Variants in POC1B observed in about 807,000 individuals in gnomAD.
The protein encoded by POC1B is POC1 centriolar protein homolog B.
POC1B carries 44 observed loss-of-function variants against 60.6 expected under a neutral mutation model. That is an observed-to-expected ratio of 0.73 (90% CI 0.57 to 0.93). The LOEUF (loss-of-function observed/expected upper bound fraction) is 0.93, where lower values mean the gene tolerates loss of function less well. Ranked by LOEUF, POC1B falls within the 40% of genes least tolerant of loss-of-function variation. The pLI, the probability that POC1B is intolerant of heterozygous loss-of-function variation, is 0.00. For synonymous variants in POC1B, 180 were observed against 198.9 expected (o/e 0.90, Z 0.80); for missense variants, 555 against 572.3 (o/e 0.97, Z 0.31).
chr12:89,520,290 A>G (rs1870737462), intron 2 of POC1B: 1 of 152,216 alleles, frequency 6.6e-6, no homozygotes, highest in Non-Finnish European at 1.5e-5. Context: ...TGACAGGAGC[A>G]TCAAGATACT....
At chr12:89,519,505 G>GA (rs959247842) in intron 2 of POC1B, 49 of 150,776 alleles carry the variant, frequency 3.2e-4, no homozygotes, top group Admixed American at 7.9e-4. Context: ...CATCACAGAG[G>GA]AAAAAAACAT....
In POC1B at chr12:89,470,393, C is replaced by T. The variant is rs759662875; in HGVS notation, c.778G>A (p.Gly260Arg). The change falls in exon 7 of 12, where the codon GGA becomes AGA. Residue 260 changes from glycine (G) to arginine (R), a missense_variant. Gly to Arg is a moderately radical substitution (Grantham distance 125, BLOSUM62 -2). Coordinates refer to ENST00000313546, the MANE Select transcript of POC1B (RefSeq NM_172240.3). ...GTLKILDLLE[G>R]RLIYTLQGHT... The stretch of plus-strand genomic sequence containing the variant: ...CCTTGAAGTGTATAGATGAGCCTTC[C>T]TTCTAAGAGGTCCAGAATCTTAAGG... The T allele has an allele frequency of 2.6e-5, 41 of 1,593,764 alleles. No homozygotes were observed. The highest frequency in any genetic ancestry group is 2.1e-5 in the Non-Finnish European group (24 of 1,165,308).
intron 9 of POC1B, among the ~76,000 whole-genome samples, chr12:89,462,604 T>C (rs767130024): frequency 3.9e-5 from 6 of 152,200 alleles, no homozygotes; most frequent in African/African-American, 7.2e-5. Context: ...CTAAAGCTAG[T>C]ACAACGTCCA....
At chr12:89,449,227 T>A (rs1029370705) in intron 10 of POC1B, among the ~76,000 whole-genome samples, 2 of 152,180 alleles carry the variant, frequency 1.3e-5, no homozygotes, top group Admixed American at 6.5e-5. Context: ...TGTGTGTCTG[T>A]GAGGAAGTTA....
At chr12:89,467,788 C>G in intron 7 of POC1B, 103 bp from the exon 8 acceptor site, 1 of 787,720 alleles carries the variant, frequency 1.3e-6, no homozygotes, top group Non-Finnish European at 2.0e-6. Flanking sequence ...ATGCATACTA[C>G]TCATGCAATA....
At chr12:89,487,782 A>G (rs1427831) in intron 4 of POC1B, among the ~76,000 whole-genome samples, 110,791 of 151,974 alleles carry the variant, frequency 0.73, 40,522 homozygotes, top group Middle Eastern at 0.82. Context: ...CAAATATGCC[A>G]CTGCCTCCTC....
chr12:89,433,051 C>A (rs577125375), intron 10 of POC1B, among the ~76,000 whole-genome samples: 3 of 152,208 alleles, frequency 2.0e-5, no homozygotes, highest in East Asian at 1.9e-4. Flanking sequence ...CACAGGTGGA[C>A]CGAGATGAGT....
chr12:89,406,827 C>A, the POC1B span, among the ~76,000 whole-genome samples: 1 of 151,564 alleles, frequency 6.6e-6, no homozygotes, highest in South Asian at 2.1e-4. Context: ...AAGATAATAC[C>A]AGGTCTTCCA....
intron 10 of POC1B, among the ~76,000 whole-genome samples, chr12:89,435,614 T>C (rs947878582): frequency 6.6e-6 from 1 of 152,222 alleles, no homozygotes; most frequent in African/African-American, 2.4e-5. Context: ...TAAAATCATG[T>C]AGGTGTTTTC....
At chr12:89,452,698 G>A (rs1023960447) in intron 10 of POC1B, among the ~76,000 whole-genome samples, 3 of 151,844 alleles carry the variant, frequency 2.0e-5, no homozygotes, top group Non-Finnish European at 4.4e-5. Context: ...TTTATTTGAA[G>A]GGGGGGAAAA....
intron 10 of POC1B, among the ~76,000 whole-genome samples, chr12:89,432,996 A>G (rs557941501): frequency 2.4e-4 from 37 of 152,336 alleles, no homozygotes; most frequent in African/African-American, 7.9e-4. Context: ...AAGTGAGGAA[A>G]GAGCTTCCAG....
the POC1B span, among the ~76,000 whole-genome samples, chr12:89,408,436 G>C: frequency 6.6e-6 from 1 of 150,480 alleles, no homozygotes; most frequent in South Asian, 2.1e-4. Flanking sequence ...GTGTAAAAGC[G>C]TTCCTATTTC....
At chr12:89,452,099 G>A (rs1251391293) in intron 10 of POC1B, among the ~76,000 whole-genome samples, 1 of 152,148 alleles carries the variant, frequency 6.6e-6, no homozygotes, top group East Asian at 1.9e-4. Context: ...TCTTCCACAG[G>A]AAGAGGAAGG....
At chr12:89,406,788 AATAAT>A in the POC1B span, among the ~76,000 whole-genome samples, 3 of 151,920 alleles carry the variant, frequency 2.0e-5, no homozygotes, top group African/African-American at 7.3e-5. Context: ...CCCGATACGT[AATAAT>A]ATAATATATA....
At chr12:89,439,926 C>T (rs1416283106) in intron 10 of POC1B, among the ~76,000 whole-genome samples, 1 of 152,058 alleles carries the variant, frequency 6.6e-6, no homozygotes, top group Non-Finnish European at 1.5e-5. Context: ...GGTTTTAGAT[C>T]TCAGCTCAAA....
intron 2 of POC1B, chr12:89,520,726 C>T (rs1315617344): frequency 6.6e-6 from 1 of 152,074 alleles, no homozygotes; most frequent in Non-Finnish European, 1.5e-5. Flanking sequence ...TGCAAAATTC[C>T]TACTCTCCAA....
At chr12:89,521,108 T>A (rs1385284148) in intron 2 of POC1B, 1 of 134,560 alleles carries the variant, frequency 7.4e-6, no homozygotes, top group South Asian at 2.5e-4. Flanking sequence ...ATTTTATTAT[T>A]ATTTTTTTTT....
intron 10 of POC1B, among the ~76,000 whole-genome samples, chr12:89,448,591 C>T (rs1456794550): frequency 6.6e-6 from 1 of 152,174 alleles, no homozygotes; most frequent in Non-Finnish European, 1.5e-5. Flanking sequence ...TAACAAAGCC[C>T]TGCCAAGGGA....
the POC1B span, among the ~76,000 whole-genome samples, chr12:89,409,126 TA>T: frequency 6.6e-6 from 1 of 152,210 alleles, no homozygotes; most frequent in African/African-American, 2.4e-5. Context: ...TTAGTTTAAT[TA>T]GACCCTATTT....
Sources: allele counts gnomAD v4.1 joint callset (sites outside exome capture counted in the v4.1 genomes callset), GRCh38; gene constraint gnomAD v4.1.1; transcripts MANE v1.5; gene names NCBI Gene and HGNC (gene_info 2026-07-23, HGNC 2026-07-21).